CDH13: variants seen among roughly 807,000 people sequenced by gnomAD.
CDH13 encodes cadherin-13.
CDH13 carries 24 observed loss-of-function variants against 63.8 expected under a neutral mutation model. That is an observed-to-expected ratio of 0.38 (90% CI 0.27 to 0.53). The LOEUF is 0.53. Ranked by LOEUF, CDH13 falls within the 20% of genes least tolerant of loss-of-function variation. The pLI, the probability that CDH13 is intolerant of heterozygous loss-of-function variation, is 0.85. For missense variants in CDH13, 1,049 were observed against 903.1 expected (o/e 1.16, Z -2.07); for synonymous variants, 503 against 355.3 (o/e 1.42, Z -4.67).
intron 10 of CDH13, among the ~76,000 whole-genome samples, chr16:83,703,386 T>C (rs1473850475): frequency 2.0e-5 from 3 of 152,200 alleles, no homozygotes; most frequent in South Asian, 2.1e-4. Flanking sequence ...ACAGCCCCAG[T>C]GTCCAACAAT....
At position 83,687,213 on chromosome 16, in the gene CDH13, GA is replaced by G. The variant is rs916470539; in HGVS notation, c.1538+8762del. Among the ~76,000 whole-genome samples, 696 of 149,084 alleles carry G rather than the reference GA, an allele frequency of 4.7e-3. 7 individuals carry two copies. The highest frequency in any genetic ancestry group is 0.016 in the African/African-American group (650 of 40,738). Reference sequence around the variant, plus strand: ...GGGTGACAGAGTGAGACTTCGTCTAGAAAAAAAAAATGTAGACATAGCTTGC... The same window carrying G: ...GGGTGACAGAGTGAGACTTCGTCTAGAAAAAAAAATGTAGACATAGCTTGC... On this transcript the variant is annotated intron_variant, in intron 10 of 13. Transcript: ENST00000567109.
chr16:83,033,324 T>C (rs1023810477), intron 3 of CDH13, among the ~76,000 whole-genome samples: 2 of 152,154 alleles, frequency 1.3e-5, no homozygotes, highest in African/African-American at 2.4e-5. Context: ...ACGGTGTATA[T>C]GTATGTCTAT....
chr16:83,382,817 G>T (rs757566112), intron 6 of CDH13, among the ~76,000 whole-genome samples: 1 of 152,036 alleles, frequency 6.6e-6, no homozygotes, highest in Non-Finnish European at 1.5e-5. Context: ...TTCTCATCTG[G>T]AGCTGACTTT....
intron 4 of CDH13, among the ~76,000 whole-genome samples, chr16:83,177,456 C>T (rs1431077952): frequency 1.3e-5 from 2 of 152,296 alleles, no homozygotes; most frequent in East Asian, 3.9e-4. Flanking sequence ...TATGATAGAT[C>T]ATGGCATATC....
chr16:82,646,918 C>G (rs1910163033), intron 1 of CDH13, among the ~76,000 whole-genome samples: 1 of 152,132 alleles, frequency 6.6e-6, no homozygotes, highest in Non-Finnish European at 1.5e-5. Flanking sequence ...TTATGGGTGA[C>G]TATGAATGTG....
At chr16:83,726,189 T>C (rs948383636) in intron 10 of CDH13, 3 of 152,204 alleles carry the variant, frequency 2.0e-5, no homozygotes, top group African/African-American at 7.2e-5. Context: ...TTGGAAAGAT[T>C]GTCATAATGT....
At chr16:82,903,294 C>A (rs1235624595) in intron 2 of CDH13, among the ~76,000 whole-genome samples, 2 of 152,234 alleles carry the variant, frequency 1.3e-5, no homozygotes, top group Admixed American at 6.5e-5. Context: ...CCTATTGAAT[C>A]ATGGGTTTCT....
At chr16:82,717,247 G>A (rs1288785946) in intron 1 of CDH13, among the ~76,000 whole-genome samples, 1 of 151,798 alleles carries the variant, frequency 6.6e-6, no homozygotes, top group African/African-American at 2.4e-5. Flanking sequence ...TAAAAAATAA[G>A]GGTATGGTGA....
intron 11 of CDH13, among the ~76,000 whole-genome samples, chr16:83,761,467 A>G (rs1354922782): frequency 6.6e-6 from 1 of 152,254 alleles, no homozygotes; most frequent in Non-Finnish European, 1.5e-5. Flanking sequence ...GAGAGACTCC[A>G]GCGCAGGCAT....
intron 8 of CDH13, among the ~76,000 whole-genome samples, chr16:83,666,879 C>T (rs1428365310): frequency 6.6e-6 from 1 of 152,146 alleles, no homozygotes; most frequent in Non-Finnish European, 1.5e-5. Context: ...AATTTTATTT[C>T]TTGACAATTA....
intron 4 of CDH13, among the ~76,000 whole-genome samples, chr16:83,214,820 A>T (rs2039448892): frequency 6.6e-6 from 1 of 151,944 alleles, no homozygotes; most frequent in Non-Finnish European, 1.5e-5. Flanking sequence ...AGATGAGGCG[A>T]TGGACCGTGT....
intron 2 of CDH13, among the ~76,000 whole-genome samples, chr16:82,902,794 T>C (rs1178826889): frequency 2.0e-5 from 3 of 152,168 alleles, no homozygotes; most frequent in Non-Finnish European, 2.9e-5. Context: ...CAGATGTTCT[T>C]TTAAAAGCCA....
At chr16:83,478,730 C>A (rs746325851) in intron 6 of CDH13, among the ~76,000 whole-genome samples, 1 of 151,880 alleles carries the variant, frequency 6.6e-6, no homozygotes, top group Non-Finnish European at 1.5e-5. Context: ...CAGTTCCATC[C>A]TCCTACCCTC....
rs1456462898 is a variant in CDH13, at chr16:83,159,504, G to A, written c.483+34003G>A. ...AAGTCTCTATGGGAAAGATAAATAG[G>A]TTGTTGGAGAATTAAACTGGTCAAG... On this transcript the variant is annotated intron_variant, in intron 4 of 13. Coordinates refer to ENST00000567109, the MANE Select transcript of CDH13 (RefSeq NM_001257.5). Among the ~76,000 whole-genome samples, 7 of 152,118 alleles carry A rather than the reference G, an allele frequency of 4.6e-5. No individual in the cohort carries two copies. The East Asian group carries it at 1.3e-3, about 29-fold the overall frequency.
At chr16:83,373,174 A>G (rs2151402734) in intron 6 of CDH13, among the ~76,000 whole-genome samples, 1 of 152,348 alleles carries the variant, frequency 6.6e-6, no homozygotes, top group East Asian at 1.9e-4. Context: ...GCCGTGCATA[A>G]CAGCATCCCA....
At chr16:83,480,632 G>A (rs944718881) in intron 6 of CDH13, among the ~76,000 whole-genome samples, 8 of 152,118 alleles carry the variant, frequency 5.3e-5, no homozygotes, top group African/African-American at 1.4e-4. Flanking sequence ...TGCTCATGAC[G>A]AAGAGACGTG....
chr16:82,777,691 C>G (rs561249777), intron 1 of CDH13, among the ~76,000 whole-genome samples: 1 of 152,306 alleles, frequency 6.6e-6, no homozygotes, highest in East Asian at 1.9e-4. Flanking sequence ...GGGCCATAAT[C>G]AAGGCTAAAA....
At chr16:83,498,488 C>G (rs1018966658) in intron 7 of CDH13, among the ~76,000 whole-genome samples, 20 of 152,150 alleles carry the variant, frequency 1.3e-4, no homozygotes, top group African/African-American at 4.6e-4. Flanking sequence ...GCTGTGATAA[C>G]AAAGAAACTG....
At chr16:83,384,518 G>T (rs1465143492) in intron 6 of CDH13, among the ~76,000 whole-genome samples, 1 of 152,228 alleles carries the variant, frequency 6.6e-6, no homozygotes, top group Non-Finnish European at 1.5e-5. Flanking sequence ...ACCTTGAGCT[G>T]CCCCAAGGGC....
Sources: gnomAD v4.1 joint callset for allele counts (sites outside exome capture counted in the v4.1 genomes callset) on GRCh38, gnomAD v4.1.1 for gene constraint, MANE v1.5 for transcripts, NCBI Gene and HGNC (gene_info 2026-07-23, HGNC 2026-07-21) for gene names.